Variants in METTL8 observed in about 807,000 individuals in gnomAD.
The protein encoded by METTL8 is methyltransferase 8, tRNA N3-cytidine, also known as tRNA N(3)-cytidine methyltransferase METTL8, mitochondrial.
In METTL8, 32 loss-of-function variants were observed where a neutral mutation model predicts 48.7. That is an observed-to-expected ratio of 0.66 (90% CI 0.50 to 0.88). The LOEUF is 0.88. METTL8 is among the 40% of genes least tolerant of loss of function. The pLI, the probability that METTL8 is intolerant of heterozygous loss-of-function variation, is 0.00. For missense variants in METTL8, 464 were observed against 474.4 expected (o/e 0.98, Z 0.20); for synonymous variants, 136 against 157.1 (o/e 0.87, Z 1.01).
At chr2:171,418,927 C>A (rs1691600134) in intron 1 of METTL8, among the ~76,000 whole-genome samples, 1 of 152,120 alleles carries the variant, frequency 6.6e-6, no homozygotes, top group Admixed American at 6.5e-5. Flanking sequence ...TGTACTCCAG[C>A]CTGGGTGACT....
At chr2:171,339,061 T>C in intron 4 of METTL8, 123 bp downstream of exon 4, 1 of 753,410 alleles carries the variant, frequency 1.3e-6, no homozygotes, top group Non-Finnish European at 2.0e-6. Flanking sequence ...AGAAGTACAC[T>C]GAATGCTTAT....
Position 171,320,413 on chromosome 2 carries a change from T to C in METTL8, c.*3759A>G, listed in dbSNP as rs1203701025. 3.3e-5 allele frequency: 5 copies of C among 152,216 alleles called. No homozygotes were observed. The highest frequency in any genetic ancestry group is 1.2e-4 in the African/African-American group (5 of 41,452). 9.4% of individuals were successfully genotyped at this position (152,216 alleles called of 1,614,324 possible). A position where few individuals can be genotyped will look rare whatever the true frequency, so the allele number is the denominator to read the frequency against. On this transcript the variant is annotated 3_prime_UTR_variant, in exon 10 of 10. Coordinates refer to ENST00000375258, the MANE Select transcript of METTL8 (RefSeq NM_001321154.2). The stretch of plus-strand genomic sequence containing the variant: ...CATTATAGAAAGACACGAAGCCGAA[T>C]TTTACTGTGCCAGTCAAGAGGCTGG...
chr2:171,345,969 AAATCATT>A (rs1687223981), intron 3 of METTL8, among the ~76,000 whole-genome samples: 1 of 152,226 alleles, frequency 6.6e-6, no homozygotes, highest in South Asian at 2.1e-4. Context: ...GTGGAATTAA[AAATCATT>A]AATCTGGGCA....
chr2:171,362,253 A>C (rs918492441), intron 2 of METTL8, among the ~76,000 whole-genome samples: 8 of 152,140 alleles, frequency 5.3e-5, no homozygotes, highest in African/African-American at 1.9e-4. Flanking sequence ...CCCATGACTA[A>C]AGTGGTAGCT....
rs1345851905 is a variant in METTL8 at position 171,318,650 on chromosome 2, T to C, written c.*5522A>G. On this transcript the variant is annotated 3_prime_UTR_variant, in exon 10 of 10. Coordinates refer to ENST00000375258, the MANE Select transcript of METTL8 (RefSeq NM_001321154.2). ...CTCTCAGTTCCTTTCCTTCTCTTCT[T>C]TTCCAATTTGTAATTGTGGACAAGT... 1 of 152,206 alleles carries C rather than the reference T, an allele frequency of 6.6e-6. No individual in the cohort carries two copies. Among genetic ancestry groups the C allele is most frequent in the Admixed American group, 6.5e-5 (1 of 15,274 alleles). 9.4% of individuals were successfully genotyped at this position (152,206 alleles called of 1,614,324 possible).
intron 2 of METTL8, among the ~76,000 whole-genome samples, chr2:171,363,903 C>G (rs1411563299): frequency 1.3e-5 from 2 of 149,042 alleles, no homozygotes; most frequent in Non-Finnish European, 3.0e-5. Context: ...ACCTCCACCT[C>G]CCGTGTTCAA....
chr2:171,355,310 G>T (rs1364845045), intron 3 of METTL8, among the ~76,000 whole-genome samples: 1 of 152,208 alleles, frequency 6.6e-6, no homozygotes, highest in Non-Finnish European at 1.5e-5. Context: ...AAATGCTGCT[G>T]TCTGATCGTT....
intron 2 of METTL8, chr2:171,375,293 C>T (rs55880240): frequency 2.8e-5 from 23 of 813,698 alleles, no homozygotes; most frequent in East Asian, 1.2e-4. Context: ...GAGGCACGGA[C>T]CAGAGATATA....
intron 9 of METTL8, 39 bp downstream of exon 9, chr2:171,325,802 C>T (rs564828607): frequency 1.9e-5 from 24 of 1,240,982 alleles, no homozygotes; most frequent in Non-Finnish European, 2.3e-5. Flanking sequence ...CTAACAAGAA[C>T]GATTATGACC....
intron 3 of METTL8, among the ~76,000 whole-genome samples, chr2:171,354,766 G>C (rs921157672): frequency 6.6e-6 from 1 of 152,126 alleles, no homozygotes; most frequent in Non-Finnish European, 1.5e-5. Flanking sequence ...ACTGAAGCTT[G>C]TACATGCGTC....
At chr2:171,422,146 T>C (rs926976111) in intron 1 of METTL8, among the ~76,000 whole-genome samples, 6 of 152,060 alleles carry the variant, frequency 3.9e-5, no homozygotes, top group African/African-American at 1.4e-4. Flanking sequence ...AAAAATAAGA[T>C]AATGGAACAG....
intron 1 of METTL8, among the ~76,000 whole-genome samples, chr2:171,412,186 C>T (rs1198231365): frequency 2.0e-5 from 3 of 152,184 alleles, no homozygotes; most frequent in African/African-American, 7.2e-5. Context: ...ACAATGTCAT[C>T]GAGGATCCAG....
intron 3 of METTL8, among the ~76,000 whole-genome samples, chr2:171,339,776 A>G (rs901903751): frequency 1.3e-5 from 2 of 152,188 alleles, no homozygotes; most frequent in Non-Finnish European, 2.9e-5. Flanking sequence ...ATTTAGTCCT[A>G]CCCCTGTGAA....
intron 2 of METTL8, among the ~76,000 whole-genome samples, chr2:171,364,211 G>C (rs1273532930): frequency 2.0e-5 from 3 of 152,084 alleles, no homozygotes; most frequent in African/African-American, 7.2e-5. Flanking sequence ...GTTTGAATAG[G>C]AGTAAGAACA....
In METTL8 at chr2:171,330,531, T is replaced by G. The variant is rs138723702; in HGVS notation, c.860+28A>C. 7.6e-5 allele frequency: 122 copies of G among 1,603,822 alleles called. No homozygotes were observed. The East Asian group carries it at 8.9e-4, about 12-fold the overall frequency. The stretch of plus-strand genomic sequence containing the variant: ...ACTACTGATAAAGGAGCTTTACACA[T>G]CCACTTTGCCCTTTCGTCTTCATTT... On this transcript the variant is annotated intron_variant, in intron 7 of 9. Transcript: ENST00000375258.
intron 1 of METTL8, among the ~76,000 whole-genome samples, chr2:171,402,028 T>C (rs1050688374): frequency 1.1e-4 from 16 of 152,098 alleles, no homozygotes; most frequent in African/African-American, 2.9e-4. Context: ...ACATGATATA[T>C]AGTAAAGGTA....
chr2:171,327,214 C>A (rs1201274805), intron 7 of METTL8: 3 of 152,216 alleles, frequency 2.0e-5, no homozygotes, highest in Non-Finnish European at 4.4e-5. Context: ...TATTTGGCTT[C>A]CAGTCAAATA....
rs188903606 is a variant in METTL8 at position 171,351,370 on chromosome 2, G to A, written c.235+9052C>T. Among the ~76,000 whole-genome samples, 733 of 152,316 alleles carry A rather than the reference G, an allele frequency of 4.8e-3. 5 individuals carry two copies. The highest frequency in any genetic ancestry group is 8.6e-3 in the Non-Finnish European group (587 of 68,024). On this transcript the variant is annotated intron_variant, in intron 3 of 9. Coordinates refer to ENST00000375258, the MANE Select transcript of METTL8 (RefSeq NM_001321154.2). ...ATGCTGTTTTGGTTACTGTAGGCTT[G>A]TAGTATAGTTTGAAGTCAGGTAGCG...
At chr2:171,357,833 T>G (rs1684752051) in intron 3 of METTL8, among the ~76,000 whole-genome samples, 2 of 152,156 alleles carry the variant, frequency 1.3e-5, no homozygotes, top group African/African-American at 4.8e-5. Flanking sequence ...TAGCTGGGAC[T>G]ACAGGTGCAT....
Sources: allele counts gnomAD v4.1 joint callset (sites outside exome capture counted in the v4.1 genomes callset), GRCh38; gene constraint gnomAD v4.1.1; transcripts MANE v1.5; gene names NCBI Gene and HGNC (gene_info 2026-07-23, HGNC 2026-07-21).